The following PFKP variants were observed in gnomAD, a reference collection of about 807,000 sequenced individuals.
PFKP encodes phosphofructokinase, platelet.
A neutral mutation model predicts 94.3 loss-of-function variants in PFKP; 101 were observed. That is an observed-to-expected ratio of 1.07 (90% CI 0.91 to 1.26). The LOEUF (loss-of-function observed/expected upper bound fraction) is 1.26, where lower values mean the gene tolerates loss of function less well. PFKP is among the 50% of genes most tolerant of loss of function. The pLI, the probability that PFKP is intolerant of heterozygous loss-of-function variation, is 0.00. For synonymous variants in PFKP, 573 were observed against 432.6 expected (o/e 1.32, Z -4.03); for missense variants, 1,145 against 1,103.3 (o/e 1.04, Z -0.53).
rs941271391 is a variant in PFKP at position 3,088,535 on chromosome 10, C to T, written c.186+6074C>T. Among the ~76,000 whole-genome samples the T allele has an allele frequency of 2.6e-5, 4 of 152,146 alleles. No homozygotes were observed. The South Asian group carries it at 6.2e-4, about 24-fold the overall frequency. On this transcript the variant is annotated intron_variant, in intron 2 of 21. Transcript: ENST00000381125. ...GCCTGGGGGTGATCCCGTCACCCAG[C>T]CGAGGTGACGGCTCCCACCTCTCTT...
At chr10:3,115,373 C>T (rs117058493) in intron 13 of PFKP, among the ~76,000 whole-genome samples, 1,455 of 39,514 alleles carry the variant, frequency 0.037, 211 homozygotes, top group East Asian at 0.15. Flanking sequence ...GTGTGTGTCC[C>T]GCAGCTGAGA....
chr10:3,111,179 T>C (rs1044900899), intron 10 of PFKP, among the ~76,000 whole-genome samples: 7 of 152,076 alleles, frequency 4.6e-5, no homozygotes, highest in Non-Finnish European at 8.8e-5. Flanking sequence ...TGTGTGTGTA[T>C]GTTTGTGAGA....
In PFKP at chr10:3,133,168, C is replaced by T. The variant is rs66787824; in HGVS notation, c.1911-35C>T. The stretch of plus-strand genomic sequence containing the variant: ...AGCAGGGAGCCACGTGCCCACTGCA[C>T]GCTAAACAAAGTGACTCCTTCTCGC... On this transcript the variant is annotated intron_variant, in intron 18 of 21. Coordinates refer to ENST00000381125, the MANE Select transcript of PFKP (RefSeq NM_002627.5). The T allele has an allele frequency of 4.8e-5, 74 of 1,538,232 alleles. 1 individual carries two copies. Among genetic ancestry groups the T allele is most frequent in the African/African-American group, 6.8e-5 (5 of 73,224 alleles).
Position 3,099,321 on chromosome 10 carries a change from A to G in PFKP, c.233A>G (p.Asp78Gly), listed in dbSNP as rs1244277706. ...VDGGSNIAEA[D>G]WESVSSILQV... ...GGAGGCTCAAACATCGCAGAGGCCGACTGGGAGAGTGTCTCCAGCATCCTG... is the reference window on the plus strand; with the variant it reads ...GGAGGCTCAAACATCGCAGAGGCCGGCTGGGAGAGTGTCTCCAGCATCCTG... The change falls in exon 3 of 22, where the codon GAC becomes GGC. Residue 78 changes from aspartate (D) to glycine (G), a missense_variant. Asp to Gly is a moderately conservative substitution (Grantham distance 94). Coordinates refer to ENST00000381125, the MANE Select transcript of PFKP (RefSeq NM_002627.5). 1.2e-6 allele frequency: 2 copies of G among 1,614,072 alleles called. No individual in the cohort carries two copies. The highest frequency in any genetic ancestry group is 3.3e-5 in the Admixed American group (2 of 60,002).
At chr10:3,074,122 G>C (rs568317390) in intron 1 of PFKP, among the ~76,000 whole-genome samples, 3 of 152,306 alleles carry the variant, frequency 2.0e-5, no homozygotes, top group Non-Finnish European at 4.4e-5. Context: ...TTACAGGCTG[G>C]AGCCACTGCA....
intron 16 of PFKP, 36 bp from the exon 17 acceptor site, chr10:3,129,783 C>T: frequency 6.2e-7 from 1 of 1,609,166 alleles, no homozygotes; most frequent in East Asian, 2.2e-5. Flanking sequence ...CGCCCCGGGC[C>T]TGGGCTGGAG....
Position 3,085,890 on chromosome 10 carries a change from C to A in PFKP, c.186+3429C>A, listed in dbSNP as rs953137555. Among the ~76,000 whole-genome samples, 2 of 108,354 alleles carry A rather than the reference C, an allele frequency of 1.8e-5. 1 individual carries two copies. Among genetic ancestry groups the A allele is most frequent in the African/African-American group, 6.8e-5 (2 of 29,582 alleles). The allele number at this position is 108,354 out of a possible 152,430, so 71.1% of individuals were successfully genotyped here. A position where few individuals can be genotyped will look rare whatever the true frequency, so the allele number is the denominator to read the frequency against. On this transcript the variant is annotated intron_variant, in intron 2 of 21. Transcript: ENST00000381125. Reference sequence around the variant, plus strand: ...TTTGCACACAGACTTCCAGAAGTGGCGGTCACCTGCACCTGACGAAGACCA... The same window carrying A: ...TTTGCACACAGACTTCCAGAAGTGGAGGTCACCTGCACCTGACGAAGACCA...
intron 17 of PFKP, among the ~76,000 whole-genome samples, chr10:3,131,756 GCCT>G (rs1459077927): frequency 6.6e-6 from 1 of 152,136 alleles, no homozygotes; most frequent in African/African-American, 2.4e-5. Context: ...ACCATGCCTG[GCCT>G]CCTACTTTGT....
intron 16 of PFKP, among the ~76,000 whole-genome samples, chr10:3,121,398 G>A (rs1664886069): frequency 6.6e-6 from 1 of 152,150 alleles, no homozygotes; most frequent in African/African-American, 2.4e-5. Flanking sequence ...TCTTTCGCCT[G>A]CTTTAGCTAG....
rs1395171575 is a variant in PFKP, at chr10:3,130,614, CA to C, written c.1848+632del. On this transcript the variant is annotated intron_variant, in intron 17 of 21. Transcript: ENST00000381125. ...TCTTGCTGTCACCCAGGCTGGAGTGCAGTGGCGTGGTCTCGGCTTACTGCAA... is the reference window on the plus strand; with the variant it reads ...TCTTGCTGTCACCCAGGCTGGAGTGCGTGGCGTGGTCTCGGCTTACTGCAA... 4.1e-4 allele frequency among the ~76,000 whole-genome samples: 63 copies of C among 152,298 alleles called. 1 individual carries two copies. Among genetic ancestry groups the C allele is most frequent in the Non-Finnish European group, 3.7e-4 (25 of 68,016 alleles).
rs150207775 is a variant in PFKP, at chr10:3,098,621, C to T, written c.187-654C>T. Among the ~76,000 whole-genome samples the T allele has an allele frequency of 5.1e-3, 740 of 145,170 alleles. 9 individuals are homozygous for T. The highest frequency in any genetic ancestry group is 0.018 in the African/African-American group (696 of 38,232). On this transcript the variant is annotated intron_variant, in intron 2 of 21. Transcript: ENST00000381125. ...ACCCGGGAGGCAGGTTGCAGTGAGCCGAGATCGCGCCACTGCACTCCAGCC... is the reference window on the plus strand; with the variant it reads ...ACCCGGGAGGCAGGTTGCAGTGAGCTGAGATCGCGCCACTGCACTCCAGCC...
intron 14 of PFKP, among the ~76,000 whole-genome samples, chr10:3,117,551 C>G (rs1047080099): frequency 6.6e-6 from 1 of 152,198 alleles, no homozygotes; most frequent in East Asian, 1.9e-4. Context: ...TAGCTGCACC[C>G]TTTGCTTTGC....
intron 17 of PFKP, 83 bp downstream of exon 17, chr10:3,130,066 T>C (rs1450727229): frequency 2.3e-6 from 3 of 1,331,054 alleles, no homozygotes; most frequent in Non-Finnish European, 3.1e-6. Flanking sequence ...CTAGGGTGGT[T>C]TGCTTTCCAA....
At chr10:3,100,082 T>TGTGTGA (rs1554766542) in intron 3 of PFKP, among the ~76,000 whole-genome samples, 1 of 149,750 alleles carries the variant, frequency 6.7e-6, no homozygotes, top group African/African-American at 2.5e-5. Flanking sequence ...TGTGTGTGTG[T>TGTGTGA]GTGAAAGAGA....
chr10:3,105,914 C>T (rs2131564348), intron 7 of PFKP, among the ~76,000 whole-genome samples: 1 of 152,334 alleles, frequency 6.6e-6, no homozygotes, highest in African/African-American at 2.4e-5. Flanking sequence ...CGCTATGTTC[C>T]TTTCATGACC....
At chr10:3,086,400 C>T (rs1744277556) in intron 2 of PFKP, among the ~76,000 whole-genome samples, 1 of 152,226 alleles carries the variant, frequency 6.6e-6, no homozygotes, top group Non-Finnish European at 1.5e-5. Flanking sequence ...ATGTTCAGGG[C>T]CAGGAACAGA....
intron 4 of PFKP, among the ~76,000 whole-genome samples, chr10:3,101,878 C>T (rs957017840): frequency 4.6e-5 from 7 of 152,180 alleles, no homozygotes; most frequent in South Asian, 4.1e-4. Flanking sequence ...TGGGGCGAGC[C>T]GGGTCCCCAG....
Position 3,136,659 on chromosome 10 carries a change from A to ACG in PFKP, c.*80_*81insCG. ...ACTTAAGTTATTTTATCAGCACTTTATGCACGTATTATTGACATTAATACC... is the reference window on the plus strand; with the variant it reads ...ACTTAAGTTATTTTATCAGCACTTTACGTGCACGTATTATTGACATTAATACC... On this transcript the variant is annotated 3_prime_UTR_variant, in exon 22 of 22. Coordinates refer to ENST00000381125, the MANE Select transcript of PFKP (RefSeq NM_002627.5). 1 of 1,484,702 alleles carries ACG rather than the reference A, an allele frequency of 6.7e-7. No homozygotes were observed. The highest frequency in any genetic ancestry group is 9.3e-7 in the Non-Finnish European group (1 of 1,080,654). The allele number at this position is 1,484,702 out of a possible 1,614,324, so 92.0% of individuals were successfully genotyped here.
chr10:3,133,450 A>G (rs1588580748), intron 19 of PFKP, 136 bp downstream of exon 19: 2 of 665,166 alleles, frequency 3.0e-6, no homozygotes, highest in East Asian at 2.9e-5. Flanking sequence ...GAACTTTTTG[A>G]GACAGAGTCT....
Sources: gnomAD v4.1 joint callset for allele counts (sites outside exome capture counted in the v4.1 genomes callset) on GRCh38, gnomAD v4.1.1 for gene constraint, MANE v1.5 for transcripts, NCBI Gene and HGNC (gene_info 2026-07-23, HGNC 2026-07-21) for gene names.